NDC1: variants seen among roughly 807,000 people sequenced by gnomAD.
The protein encoded by NDC1 is NDC1 transmembrane nucleoporin.
NDC1 carries 24 observed loss-of-function variants against 89.8 expected under a neutral mutation model. The ratio of observed to expected loss-of-function variants is 0.27; its 90% CI spans 0.19 to 0.38. The LOEUF (loss-of-function observed/expected upper bound fraction) is 0.38, where lower values mean the gene tolerates loss of function less well. Ranked by LOEUF, NDC1 falls within the 10% of genes least tolerant of loss-of-function variation. The pLI, the probability that NDC1 is intolerant of heterozygous loss-of-function variation, is 1.00. For synonymous variants in NDC1, 296 were observed against 284.8 expected, an observed-to-expected ratio of 1.04 and a Z score of -0.39; for missense variants, 728 against 797.6, an observed-to-expected ratio of 0.91 and a Z score of 1.05.
At chr1:53,790,380 C>T (rs1647452885) in intron 14 of NDC1, among the ~76,000 whole-genome samples, 1 of 147,338 alleles carries the variant, frequency 6.8e-6, no homozygotes, top group African/African-American at 2.5e-5. Flanking sequence ...AAAAAAACCC[C>T]AAAAAACCAA....
chr1:53,803,665 AG>A (rs1256429494), intron 10 of NDC1, among the ~76,000 whole-genome samples: 1 of 152,006 alleles, frequency 6.6e-6, no homozygotes, highest in Non-Finnish European at 1.5e-5. Flanking sequence ...TCCGCCTCCC[AG>A]GCTCACGCCA....
intron 8 of NDC1, among the ~76,000 whole-genome samples, 193 bp from the exon 9 acceptor site, chr1:53,806,710 CTCTG>C (rs1648122171): frequency 6.6e-6 from 1 of 152,054 alleles, no homozygotes; most frequent in Non-Finnish European, 1.5e-5. Context: ...CTTTATTAGA[CTCTG>C]TCTCTGAATA....
At chr1:53,800,923 G>A in intron 10 of NDC1, 75 bp from the exon 11 acceptor site, 1 of 1,406,382 alleles carries the variant, frequency 7.1e-7, no homozygotes, top group Non-Finnish European at 9.6e-7. Flanking sequence ...GAAAAAGTCA[G>A]TAAGAAATTC....
chr1:53,797,038 A>C lies in NDC1; in HGVS notation c.1329T>G (p.Val443=). The change falls in exon 12 of 18, where the codon GTT becomes GTG. Residue 443 remains valine, a synonymous_variant. Transcript: ENST00000371429. ...LFSSKLSTPD[V]VSPFGTPFGS... The stretch of plus-strand genomic sequence containing the variant: ...CAAATGGGGTCCCAAATGGGCTCAC[A>C]ACATCAGGTGTAGATAATTTTGAAG... 6.2e-7 allele frequency: 1 copy of C among 1,614,192 alleles called. No homozygotes were observed. Among genetic ancestry groups the C allele is most frequent in the Non-Finnish European group, 8.5e-7 (1 of 1,180,028 alleles).
chr1:53,832,632 C>T (rs1649103962), intron 2 of NDC1, 41 bp from the exon 3 acceptor site: 1 of 1,023,056 alleles, frequency 9.8e-7, no homozygotes, highest in Non-Finnish European at 1.5e-6. Flanking sequence ...GTTATTCAGT[C>T]ATGTAGTCAC....
chr1:53,828,117 G>C lies in NDC1; in HGVS notation c.337C>G (p.Gln113Glu). The C allele has an allele frequency of 6.2e-7, 1 of 1,614,146 alleles. No individual in the cohort carries two copies. Residue 113 changes from glutamine to glutamate, a missense_variant, in exon 4 of 18, where the codon CAG (glutamine) becomes GAG (glutamate). By Grantham distance (29) the Gln-to-Glu change is conservative. Coordinates refer to ENST00000371429, the MANE Select transcript of NDC1 (RefSeq NM_018087.5). The part of the protein sequence containing the change: ...LALIGKIIHP[Q>E]QLMHSFIHAA... ...TGAATAAATGAGTGCATGAGTTGCT[G>C]AGGATGAATGATCTTCCCTATCAGA...
chr1:53,793,584 T>C (rs753182580), intron 13 of NDC1, among the ~76,000 whole-genome samples: 1 of 150,824 alleles, frequency 6.6e-6, no homozygotes, highest in Non-Finnish European at 1.5e-5. Context: ...AATTTTTTTC[T>C]TTTTTCTTTT....
At chr1:53,827,910 C>A (rs1648924555) in intron 4 of NDC1, 89 bp downstream of exon 4, 1 of 987,152 alleles carries the variant, frequency 1.0e-6, no homozygotes, top group Non-Finnish European at 1.4e-6. Flanking sequence ...GTCTGGAAAG[C>A]AAAGAATACT....
intron 6 of NDC1, among the ~76,000 whole-genome samples, chr1:53,817,630 C>CAGAA (rs1052748103): frequency 6.6e-6 from 1 of 151,768 alleles, no homozygotes; most frequent in Admixed American, 6.6e-5. Flanking sequence ...CAATAACTTA[C>CAGAA]AGAAAGAAAG....
rs202217135 is a variant in NDC1, at chr1:53,835,611, A to T, written c.67T>A (p.Trp23Arg). Reference protein sequence around the residue: ...SRDILWRVLGWRIVASIVWSV... With the variant: ...SRDILWRVLGRRIVASIVWSV... ...CAAACAATACTTGCAACTATCCTCC[A>T]GCCCAAAACCTATAAACAAAAAGAA... The change falls in exon 2 of 18, where the codon TGG becomes AGG. Residue 23 changes from tryptophan (W) to arginine (R), a missense_variant. Transcript: ENST00000371429. The T allele has an allele frequency of 1.2e-6, 2 of 1,609,928 alleles. No homozygotes were observed. The highest frequency in any genetic ancestry group is 1.7e-6 in the Non-Finnish European group (2 of 1,178,916).
chr1:53,825,493 C>A (rs571143319), intron 5 of NDC1, among the ~76,000 whole-genome samples: 350 of 144,892 alleles, frequency 2.4e-3, no homozygotes, highest in African/African-American at 9.0e-3. Flanking sequence ...GCATGAATGT[C>A]ATCATCATCT....
chr1:53,771,356 A>C (rs1198225032), intron 17 of NDC1, among the ~76,000 whole-genome samples: 2 of 152,220 alleles, frequency 1.3e-5, no homozygotes, highest in Non-Finnish European at 2.9e-5. Context: ...TTGTGCTATC[A>C]GGCAAATTTT....
At chr1:53,793,099 A>T (rs1401980271) in intron 14 of NDC1, 130 bp downstream of exon 14, 2 of 764,280 alleles carry the variant, frequency 2.6e-6, no homozygotes, top group Non-Finnish European at 4.5e-6. Context: ...TCAGTGAAGC[A>T]CTATGCAAAG....
chr1:53,792,644 G>A (rs1647558502), intron 14 of NDC1, among the ~76,000 whole-genome samples: 1 of 152,182 alleles, frequency 6.6e-6, no homozygotes, highest in Non-Finnish European at 1.5e-5. Context: ...CTACATAGGG[G>A]CAAAGGTTTT....
chr1:53,837,831 C>T (rs1325805195), intron 1 of NDC1, among the ~76,000 whole-genome samples: 1 of 152,192 alleles, frequency 6.6e-6, no homozygotes, highest in Non-Finnish European at 1.5e-5. Context: ...TCTACTAATG[C>T]CACATTTCTT....
chr1:53,769,702 G>C (rs1647096387), intron 17 of NDC1, among the ~76,000 whole-genome samples: 1 of 152,174 alleles, frequency 6.6e-6, no homozygotes. Flanking sequence ...TAAGTATCAT[G>C]ATAATGTAGA....
chr1:53,808,407 T>TAAATCACTCCACCTATCCC (rs1648187390), intron 7 of NDC1, among the ~76,000 whole-genome samples: 4 of 152,202 alleles, frequency 2.6e-5, no homozygotes, highest in Admixed American at 2.6e-4. Context: ...TGTGATTAGG[T>TAAATCACTCCACCTATCCC]AAATCACTCC....
chr1:53,783,127 T>G (rs1647229866), intron 16 of NDC1, among the ~76,000 whole-genome samples: 1 of 151,942 alleles, frequency 6.6e-6, no homozygotes, highest in African/African-American at 2.4e-5. Context: ...GGCGGTGGAG[T>G]ACTCAGGGGA....
chr1:53,831,004 G>A (rs558003050), intron 3 of NDC1, among the ~76,000 whole-genome samples: 9 of 152,222 alleles, frequency 5.9e-5, no homozygotes, highest in South Asian at 2.1e-4. Context: ...GGCCGATCAC[G>A]AGGTGAGGAG....
Sources: allele counts gnomAD v4.1 joint callset (sites outside exome capture counted in the v4.1 genomes callset), GRCh38; gene constraint gnomAD v4.1.1; transcripts MANE v1.5; gene names NCBI Gene and HGNC (gene_info 2026-07-23, HGNC 2026-07-21).